The following CSMD1 variants were observed in gnomAD, a reference collection of about 807,000 sequenced individuals.
CSMD1 encodes CUB and Sushi multiple domains 1.
A neutral mutation model predicts 417.5 loss-of-function variants in CSMD1; 213 were observed. That is an observed-to-expected ratio of 0.51 (90% CI 0.46 to 0.57). The LOEUF is 0.57. CSMD1 is among the 20% of genes least tolerant of loss of function. The probability of loss-of-function intolerance (pLI) is 0.00; values close to 1 mark genes in which losing one functional copy is unlikely to be tolerated. For synonymous variants in CSMD1, 2,862 were observed against 1,736.8 expected (o/e 1.65, Z -16.11); for missense variants, 6,923 against 4,529.7 (o/e 1.53, Z -15.17).
intron 1 of CSMD1, among the ~76,000 whole-genome samples, chr8:4,696,983 C>A (rs188077690): frequency 6.6e-6 from 1 of 152,012 alleles, no homozygotes; most frequent in South Asian, 2.1e-4. Context: ...ACCAGCCTGA[C>A]GAACATGGTG....
chr8:4,014,347 A>G (rs1585133670), intron 4 of CSMD1, among the ~76,000 whole-genome samples: 1 of 152,316 alleles, frequency 6.6e-6, no homozygotes, highest in Middle Eastern at 3.4e-3. Flanking sequence ...AGAGAAAATA[A>G]TCTGTAAAAT....
chr8:3,399,486 C>A lies in CSMD1; in HGVS notation c.2310G>T (p.Leu770Phe). The change falls in exon 16 of 70, where the codon TTG becomes TTT. Residue 770 changes from leucine (L) to phenylalanine (F), a missense_variant. Transcript: ENST00000635120. ...GHLTASSGVI[L>F]PPGWPGYYKD... The stretch of plus-strand genomic sequence containing the variant: ...TATAATATCCTGGCCATCCAGGAGG[C>A]AAAATGACTCCGCTGGACGCTGTCA... The A allele has an allele frequency of 1.9e-6, 3 of 1,609,826 alleles. No individual in the cohort carries two copies. Among genetic ancestry groups the A allele is most frequent in the Non-Finnish European group, 2.5e-6 (3 of 1,177,966 alleles).
chr8:3,490,863 A>C lies in CSMD1; in HGVS notation c.1448+2760T>G, dbSNP rs191994741. 8.0e-4 allele frequency among the ~76,000 whole-genome samples: 118 copies of C among 148,348 alleles called. 1 individual carries two copies. In the East Asian group the frequency reaches 0.013, roughly 16 times the overall value. The stretch of plus-strand genomic sequence containing the variant: ...GATGTAGGACTCTGTTTTTAAAAAT[A>C]AAAAGAAAAAAATTTTTTTTTACCT... On this transcript the variant is annotated intron_variant, in intron 11 of 69. Coordinates refer to ENST00000635120, the MANE Select transcript of CSMD1 (RefSeq NM_033225.6).
chr8:4,335,325 G>T (rs550361918), intron 3 of CSMD1, among the ~76,000 whole-genome samples: 1 of 152,072 alleles, frequency 6.6e-6, no homozygotes, highest in African/African-American at 2.4e-5. Context: ...TTCAACCTCG[G>T]ACTTTTGTGG....
rs373298538 is a variant in CSMD1 at position 3,366,238 on chromosome 8, G to A, written c.3115+794C>T. Among the ~76,000 whole-genome samples, 51 of 152,238 alleles carry A rather than the reference G, an allele frequency of 3.4e-4. No homozygotes were observed. In the South Asian group the frequency reaches 8.5e-3, roughly 25 times the overall value. On this transcript the variant is annotated intron_variant, in intron 20 of 69. Transcript: ENST00000635120. ...GTAGTGCAGCAGGGCCCTTTCTGTTGGTGGAGGGTGGGGGCATGCTGGAAA... is the reference window on the plus strand; with the variant it reads ...GTAGTGCAGCAGGGCCCTTTCTGTTAGTGGAGGGTGGGGGCATGCTGGAAA...
chr8:4,098,511 C>G (rs920465771), intron 3 of CSMD1, among the ~76,000 whole-genome samples: 11 of 151,978 alleles, frequency 7.2e-5, no homozygotes, highest in African/African-American at 2.2e-4. Flanking sequence ...GGCCAGTTAC[C>G]CAGCTGCGAA....
intron 2 of CSMD1, among the ~76,000 whole-genome samples, chr8:4,509,745 A>T (rs1802715778): frequency 6.6e-6 from 1 of 152,126 alleles, no homozygotes; most frequent in South Asian, 2.1e-4. Flanking sequence ...ACATGTGATG[A>T]TTTACTTAGT....
At chr8:3,572,706 C>G (rs1314789883) in intron 10 of CSMD1, among the ~76,000 whole-genome samples, 2 of 152,164 alleles carry the variant, frequency 1.3e-5, no homozygotes, top group African/African-American at 2.4e-5. Flanking sequence ...TGGGATACTT[C>G]TGGTCTCGAT....
At chr8:4,955,180 G>T (rs950243857) in intron 1 of CSMD1, among the ~76,000 whole-genome samples, 1 of 152,084 alleles carries the variant, frequency 6.6e-6, no homozygotes, top group Non-Finnish European at 1.5e-5. Flanking sequence ...GACCTACGGG[G>T]CTGTTCCCGT....
chr8:4,110,975 C>T (rs1456927049), intron 3 of CSMD1, among the ~76,000 whole-genome samples: 2 of 152,040 alleles, frequency 1.3e-5, no homozygotes, highest in African/African-American at 2.4e-5. Context: ...TTCTAAAATG[C>T]AATCTGAGCT....
At chr8:3,088,876 T>C (rs906066744) in intron 48 of CSMD1, among the ~76,000 whole-genome samples, 1 of 130,344 alleles carries the variant, frequency 7.7e-6, no homozygotes, top group Admixed American at 7.5e-5. Context: ...TAATAAAAAA[T>C]AGAAGGAACA....
At chr8:4,496,223 GA>G (rs1172870598) in intron 2 of CSMD1, among the ~76,000 whole-genome samples, 1 of 152,062 alleles carries the variant, frequency 6.6e-6, no homozygotes, top group African/African-American at 2.4e-5. Context: ...TTTGCAAAGA[GA>G]AAAAAACAAC....
At position 4,994,746 on chromosome 8, in the gene CSMD1, A is replaced by AGC. The variant is rs1447694479; in HGVS notation, c.-332_-331dup. ...CGGGAGGGGGAGAAGCGGGGAGAGGAGCGCGCGCAGCCAGGAGAGACCTGG... is the reference window on the plus strand; with the variant it reads ...CGGGAGGGGGAGAAGCGGGGAGAGGAGCGCGCGCGCAGCCAGGAGAGACCTGG... On this transcript the variant is annotated 5_prime_UTR_variant, in exon 1 of 70. Coordinates refer to ENST00000635120, the MANE Select transcript of CSMD1 (RefSeq NM_033225.6). 3.5e-6 allele frequency: 1 copy of AGC among 289,494 alleles called. No individual in the cohort carries two copies. Among genetic ancestry groups the AGC allele is most frequent in the Non-Finnish European group, 6.5e-6 (1 of 154,920 alleles). The allele number at this position is 289,494 out of a possible 1,614,324, so 17.9% of individuals were successfully genotyped here.
intron 3 of CSMD1, among the ~76,000 whole-genome samples, chr8:4,255,803 T>C (rs1305465039): frequency 2.0e-5 from 3 of 152,342 alleles, no homozygotes; most frequent in East Asian, 3.9e-4. Context: ...TTCCATGGCC[T>C]CCTCTGGGGC....
chr8:3,058,517 G>A (rs544744477), intron 49 of CSMD1, among the ~76,000 whole-genome samples: 18 of 152,148 alleles, frequency 1.2e-4, no homozygotes, highest in African/African-American at 1.7e-4. Context: ...TGGTTTAATC[G>A]CAACATATAA....
At chr8:2,999,826 T>G (rs1426011876) in intron 53 of CSMD1, 132 bp downstream of exon 53, 2 of 732,836 alleles carry the variant, frequency 2.7e-6, no homozygotes, top group Non-Finnish European at 4.2e-6. Flanking sequence ...TCTTTCTTTG[T>G]ATAGGCAAAA....
At chr8:4,553,331 G>A (rs1423603636) in intron 2 of CSMD1, among the ~76,000 whole-genome samples, 2 of 151,550 alleles carry the variant, frequency 1.3e-5, no homozygotes, top group South Asian at 4.2e-4. Flanking sequence ...TTCATTTTGT[G>A]TAATTTTCAT....
chr8:3,863,832 C>A (rs74632959), intron 5 of CSMD1, among the ~76,000 whole-genome samples: 2,212 of 151,998 alleles, frequency 0.015, 18 homozygotes, highest in Non-Finnish European at 0.017. Context: ...AAAAAAAAAT[C>A]AGAAAAAACA....
chr8:3,438,689 C>T (rs754883898), intron 12 of CSMD1, among the ~76,000 whole-genome samples: 2 of 152,232 alleles, frequency 1.3e-5, no homozygotes, highest in African/African-American at 2.4e-5. Flanking sequence ...ACTATTATGA[C>T]TAAAGCTGCT....
Sources: allele counts gnomAD v4.1 joint callset (sites outside exome capture counted in the v4.1 genomes callset), GRCh38; gene constraint gnomAD v4.1.1; transcripts MANE v1.5; gene names NCBI Gene and HGNC (gene_info 2026-07-23, HGNC 2026-07-21).